Variants in TTC28 observed in about 807,000 individuals in gnomAD.
TTC28 encodes tetratricopeptide repeat domain 28.
TTC28 carries 61 observed loss-of-function variants against 198.0 expected under a neutral mutation model. The observed-to-expected ratio is 0.31, with a 90% CI of 0.25 to 0.38. The LOEUF is 0.38. TTC28 is among the 10% of genes least tolerant of loss of function. The pLI, the probability that TTC28 is intolerant of heterozygous loss-of-function variation, is 1.00. For synonymous variants in TTC28, 1,171 were observed against 1,297.8 expected (o/e 0.90, Z 2.10); for missense variants, 2,678 against 3,164.0 (o/e 0.85, Z 3.69).
intron 12 of TTC28, among the ~76,000 whole-genome samples, chr22:28,058,963 T>G (rs889968271): frequency 6.6e-6 from 1 of 152,204 alleles, no homozygotes; most frequent in Admixed American, 6.5e-5. Context: ...TCAGCTCTTA[T>G]AGTCATAATT....
At chr22:28,497,891 C>T (rs941042631) in intron 2 of TTC28, among the ~76,000 whole-genome samples, 2 of 152,046 alleles carry the variant, frequency 1.3e-5, no homozygotes, top group African/African-American at 2.4e-5. Context: ...TTATTTTAGA[C>T]TCCAAATTCA....
At chr22:28,611,770 G>C (rs1333606833) in intron 2 of TTC28, among the ~76,000 whole-genome samples, 1 of 149,022 alleles carries the variant, frequency 6.7e-6, no homozygotes, top group Non-Finnish European at 1.5e-5. Context: ...TTGGTTTTTT[G>C]TTCTTGCGAT....
chr22:28,221,113 G>T (rs1355993641), intron 5 of TTC28, among the ~76,000 whole-genome samples: 1 of 152,176 alleles, frequency 6.6e-6, no homozygotes, highest in African/African-American at 2.4e-5. Context: ...GTTAGTTGGA[G>T]CAGGATCCCA....
chr22:28,589,100 A>C (rs1601597386), intron 2 of TTC28, among the ~76,000 whole-genome samples: 2 of 152,280 alleles, frequency 1.3e-5, no homozygotes, highest in Middle Eastern at 3.4e-3. Context: ...AGTACTCTGA[A>C]ATGAGACCCT....
intron 5 of TTC28, among the ~76,000 whole-genome samples, chr22:28,280,076 CAT>C (rs1333174992): frequency 1.3e-5 from 2 of 152,112 alleles, no homozygotes; most frequent in Non-Finnish European, 2.9e-5. Context: ...TTTATGGACA[CAT>C]GTTTTCAATT....
chr22:28,245,471 T>G (rs1023264739), intron 5 of TTC28, among the ~76,000 whole-genome samples: 1 of 152,154 alleles, frequency 6.6e-6, no homozygotes, highest in Non-Finnish European at 1.5e-5. Context: ...ATGAGGAGGC[T>G]GAATCTAAGG....
intron 2 of TTC28, among the ~76,000 whole-genome samples, chr22:28,584,422 T>C (rs1276476290): frequency 6.6e-6 from 1 of 152,172 alleles, no homozygotes; most frequent in African/African-American, 2.4e-5. Context: ...TAGCTAAATC[T>C]GGTGTAATTC....
chr22:28,363,111 G>A (rs2046184753), intron 2 of TTC28, among the ~76,000 whole-genome samples: 1 of 152,174 alleles, frequency 6.6e-6, no homozygotes. Context: ...AAGCATGTCA[G>A]AGTCTTCATG....
intron 10 of TTC28, 45 bp downstream of exon 10, chr22:28,098,870 G>A (rs1471227694): frequency 1.0e-5 from 16 of 1,543,768 alleles, no homozygotes; most frequent in South Asian, 2.4e-5. Flanking sequence ...GCACCCGTGC[G>A]CACTAGTGCA....
At chr22:28,470,037 T>C (rs1419574483) in intron 2 of TTC28, among the ~76,000 whole-genome samples, 3 of 151,966 alleles carry the variant, frequency 2.0e-5, no homozygotes, top group Non-Finnish European at 4.4e-5. Flanking sequence ...ACAGATGGGG[T>C]CTTGCTATGT....
intron 5 of TTC28, among the ~76,000 whole-genome samples, chr22:28,269,875 G>A (rs1450533246): frequency 6.6e-6 from 1 of 152,152 alleles, no homozygotes; most frequent in Non-Finnish European, 1.5e-5. Context: ...TGAGAAGAGT[G>A]AAGGGAAGAA....
At chr22:28,254,817 A>T (rs1010733023) in intron 5 of TTC28, among the ~76,000 whole-genome samples, 1 of 152,152 alleles carries the variant, frequency 6.6e-6, no homozygotes, top group Admixed American at 6.5e-5. Context: ...GAAGGCAAAG[A>T]ATCAGAACTG....
At chr22:28,200,070 A>G (rs1039834994) in intron 5 of TTC28, among the ~76,000 whole-genome samples, 7 of 152,244 alleles carry the variant, frequency 4.6e-5, no homozygotes, top group Middle Eastern at 3.4e-3. Flanking sequence ...AAAAGAAATA[A>G]AACTTTATTT....
chr22:28,663,213 ACTCCAGC>A (rs1255931903), intron 1 of TTC28, among the ~76,000 whole-genome samples: 2 of 149,856 alleles, frequency 1.3e-5, no homozygotes, highest in East Asian at 3.9e-4. Flanking sequence ...GTGCCGCTGC[ACTCCAGC>A]CTGGGAGACA....
At chr22:28,065,006 G>T (rs1466012728) in intron 12 of TTC28, among the ~76,000 whole-genome samples, 3 of 152,196 alleles carry the variant, frequency 2.0e-5, no homozygotes, top group Non-Finnish European at 4.4e-5. Flanking sequence ...GTGTACTGAT[G>T]CATCATTTTG....
intron 2 of TTC28, among the ~76,000 whole-genome samples, chr22:28,339,884 C>T (rs2045800776): frequency 6.6e-6 from 1 of 152,096 alleles, no homozygotes; most frequent in Non-Finnish European, 1.5e-5. Flanking sequence ...ACTCAGTGGG[C>T]TGCACCCACT....
At chr22:28,013,931 G>C (rs571005376) in intron 14 of TTC28, among the ~76,000 whole-genome samples, 1 of 152,288 alleles carries the variant, frequency 6.6e-6, no homozygotes, top group South Asian at 2.1e-4. Flanking sequence ...GCTGGGAAGG[G>C]AGCATCATTT....
intron 2 of TTC28, among the ~76,000 whole-genome samples, chr22:28,574,642 ACGGTGTATG>A (rs1253661034): frequency 7.9e-5 from 12 of 152,128 alleles, no homozygotes; most frequent in African/African-American, 2.9e-4. Flanking sequence ...ATTCCCACAA[ACGGTGTATG>A]CGAGTTCCCT....
chr22:28,155,329 CTCAT>C (rs1394776396), intron 6 of TTC28, among the ~76,000 whole-genome samples: 1 of 152,194 alleles, frequency 6.6e-6, no homozygotes, highest in Non-Finnish European at 1.5e-5. Flanking sequence ...TAAGCTTTAA[CTCAT>C]TCAATCTAAC....
Sources: allele counts gnomAD v4.1 joint callset (sites outside exome capture counted in the v4.1 genomes callset), GRCh38; gene constraint gnomAD v4.1.1; transcripts MANE v1.5; gene names NCBI Gene and HGNC (gene_info 2026-07-23, HGNC 2026-07-21).